The following WWC1 variants were observed in gnomAD, a reference collection of about 807,000 sequenced individuals.
WWC1 encodes protein KIBRA.
Under a neutral mutation model 138.4 loss-of-function variants are expected in WWC1, and 55 were observed. The ratio of observed to expected loss-of-function variants is 0.40; its 90% confidence interval spans 0.32 to 0.50. The LOEUF (loss-of-function observed/expected upper bound fraction) is 0.50. Ranked by LOEUF, WWC1 falls within the 20% of genes least tolerant of loss-of-function variation. WWC1 has a pLI of 0.72. For synonymous variants in WWC1, 524 were observed against 564.9 expected (o/e 0.93, Z 1.03); for missense variants, 1,226 against 1,420.4 (o/e 0.86, Z 2.20).
chr5:168,442,761 C>A (rs762269229), intron 16 of WWC1, among the ~76,000 whole-genome samples: 3 of 150,360 alleles, frequency 2.0e-5, no homozygotes, highest in Non-Finnish European at 4.4e-5. Context: ...TGCTTAAACC[C>A]GGGAGGCAGA....
At chr5:168,399,157 A>G (rs574553691) in intron 4 of WWC1, among the ~76,000 whole-genome samples, 2 of 152,304 alleles carry the variant, frequency 1.3e-5, no homozygotes, top group Admixed American at 6.5e-5. Context: ...CAGGATGGCA[A>G]GACAGCTTGA....
At chr5:168,417,430 A>G (rs990400993) in intron 9 of WWC1, among the ~76,000 whole-genome samples, 1 of 152,126 alleles carries the variant, frequency 6.6e-6, no homozygotes, top group African/African-American at 2.4e-5. Context: ...ATCCTGTGCC[A>G]GACAGTAGCC....
At chr5:168,424,824 C>A (rs1359170035) in intron 11 of WWC1, among the ~76,000 whole-genome samples, 1 of 152,042 alleles carries the variant, frequency 6.6e-6, no homozygotes, top group Non-Finnish European at 1.5e-5. Context: ...CCGTTTGAAG[C>A]CAGGAATGAT....
intron 1 of WWC1, among the ~76,000 whole-genome samples, chr5:168,343,810 A>G (rs1423408845): frequency 5.7e-5 from 5 of 87,516 alleles, no homozygotes; most frequent in Non-Finnish European, 1.2e-4. Flanking sequence ...CAGTGAGACT[A>G]TGTCTCAAAA....
At chr5:168,339,439 G>A (rs1773786994) in intron 1 of WWC1, among the ~76,000 whole-genome samples, 1 of 152,170 alleles carries the variant, frequency 6.6e-6, no homozygotes, top group African/African-American at 2.4e-5. Context: ...TTTTTGCCAG[G>A]TGGTTCTGAC....
intron 1 of WWC1, among the ~76,000 whole-genome samples, chr5:168,294,789 CCAA>C (rs1769379882): frequency 1.3e-5 from 2 of 152,098 alleles, no homozygotes; most frequent in Admixed American, 6.5e-5. Flanking sequence ...CCACATCCAG[CCAA>C]TTTTTTGTAT....
intron 1 of WWC1, among the ~76,000 whole-genome samples, chr5:168,359,173 C>T (rs970827947): frequency 7.2e-5 from 11 of 151,954 alleles, no homozygotes; most frequent in African/African-American, 2.7e-4. Context: ...CTCTCACCTC[C>T]ACCTCCCAAG....
At chr5:168,354,819 G>A (rs1040355563) in intron 1 of WWC1, among the ~76,000 whole-genome samples, 2 of 152,134 alleles carry the variant, frequency 1.3e-5, no homozygotes, top group African/African-American at 4.8e-5. Flanking sequence ...GAACAGTTTT[G>A]TGGCCTGCAG....
At chr5:168,300,704 CTT>C (rs147213994) in intron 1 of WWC1, among the ~76,000 whole-genome samples, 13,218 of 152,084 alleles carry the variant, frequency 0.087, 849 homozygotes, top group South Asian at 0.13. Context: ...CAGCTGCTGA[CTT>C]TCCCCAGTCG....
intron 1 of WWC1, among the ~76,000 whole-genome samples, chr5:168,362,428 A>C (rs1440962470): frequency 6.6e-6 from 1 of 152,232 alleles, no homozygotes; most frequent in Non-Finnish European, 1.5e-5. Context: ...AAAGCCAGTG[A>C]GTCTGGCTCC....
At chr5:168,315,468 G>T (rs564879609) in intron 1 of WWC1, among the ~76,000 whole-genome samples, 73 of 152,084 alleles carry the variant, frequency 4.8e-4, no homozygotes, top group Non-Finnish European at 9.9e-4. Context: ...ACCTCCCTGT[G>T]CTGCCCCACC....
chr5:168,403,903 CA>C, intron 5 of WWC1, among the ~76,000 whole-genome samples: 1 of 151,318 alleles, frequency 6.6e-6, no homozygotes, highest in African/African-American at 2.4e-5. Context: ...CACACACACA[CA>C]CACACACTTT....
intron 8 of WWC1, chr5:168,411,983 G>T (rs1482440734): frequency 1.1e-5 from 11 of 985,242 alleles, no homozygotes; most frequent in Non-Finnish European, 1.1e-5. Flanking sequence ...GAAAAAAACA[G>T]ATGTCCTATG....
chr5:168,406,811 G>A (rs997554325), intron 6 of WWC1, among the ~76,000 whole-genome samples: 4 of 151,930 alleles, frequency 2.6e-5, no homozygotes, highest in African/African-American at 7.2e-5. Flanking sequence ...TTGCAGTGGC[G>A]GGCGCCTGTA....
At chr5:168,426,673 C>G (rs961083711) in intron 11 of WWC1, among the ~76,000 whole-genome samples, 1 of 152,214 alleles carries the variant, frequency 6.6e-6, no homozygotes, top group African/African-American at 2.4e-5. Context: ...AGGCATGGGA[C>G]GCAGGCTCAG....
At position 168,455,563 on chromosome 5, in the gene WWC1, C is replaced by T. The variant is rs751577346; in HGVS notation, c.2823+43C>T. ...CCTCTTCTGCTCCCCTCAGGGTAGC[C>T]GAGAGCTTCACACAGGGCTGGGTGC... On this transcript the variant is annotated intron_variant, in intron 19 of 22. Transcript: ENST00000265293. The T allele has an allele frequency of 2.8e-5, 44 of 1,591,600 alleles. No individual in the cohort carries two copies. The East Asian group carries it at 6.0e-4, about 22-fold the overall frequency.
intron 4 of WWC1, 27 bp from the exon 5 acceptor site, chr5:168,399,461 C>T (rs765754414): frequency 6.2e-7 from 1 of 1,613,394 alleles, no homozygotes. Context: ...TCTGACCCAG[C>T]CCTGTGTGTG....
intron 8 of WWC1, among the ~76,000 whole-genome samples, chr5:168,411,216 C>G (rs868611061): frequency 2.6e-5 from 4 of 152,104 alleles, no homozygotes; most frequent in South Asian, 2.1e-4. Context: ...TGTGAGCTAC[C>G]GCACCCGGCC....
intron 7 of WWC1, among the ~76,000 whole-genome samples, chr5:168,409,303 C>T (rs1780043892): frequency 6.6e-6 from 1 of 152,018 alleles, no homozygotes; most frequent in African/African-American, 2.4e-5. Flanking sequence ...AGTTCCATAG[C>T]TGTCTTCCCA....
Sources: gnomAD v4.1 joint callset for allele counts (sites outside exome capture counted in the v4.1 genomes callset) on GRCh38, gnomAD v4.1.1 for gene constraint, MANE v1.5 for transcripts, NCBI Gene and HGNC (gene_info 2026-07-23, HGNC 2026-07-21) for gene names.